Variants in PRKAR1B observed in about 807,000 individuals in gnomAD.
PRKAR1B encodes the protein cAMP-dependent protein kinase type I-beta regulatory subunit.
PRKAR1B carries 22 observed loss-of-function variants against 46.5 expected under a neutral mutation model. That is an observed-to-expected ratio of 0.47 (90% CI 0.34 to 0.68). The LOEUF is 0.68. Ranked by LOEUF, PRKAR1B falls within the 30% of genes least tolerant of loss-of-function variation. The pLI is 0.01. For synonymous variants in PRKAR1B, 259 were observed against 217.7 expected, an observed-to-expected ratio of 1.19 and a Z score of -1.67; for missense variants, 445 against 535.6, an observed-to-expected ratio of 0.83 and a Z score of 1.67.
chr7:716,015 T>A (rs71518343), intron 1 of PRKAR1B, among the ~76,000 whole-genome samples: 126,770 of 151,338 alleles, frequency 0.84, 53,195 homozygotes, highest in South Asian at 0.9. Flanking sequence ...GCACCCGGCC[T>A]AGCCACATTC....
chr7:699,943 C>G (rs1779973713), intron 2 of PRKAR1B, among the ~76,000 whole-genome samples: 1 of 152,158 alleles, frequency 6.6e-6, no homozygotes, highest in Admixed American at 6.5e-5. Context: ...AGCAGAGAGG[C>G]TGCTGCAGTC....
intron 4 of PRKAR1B, among the ~76,000 whole-genome samples, chr7:619,552 G>A (rs1045664903): frequency 1.3e-5 from 2 of 152,158 alleles, no homozygotes; most frequent in Admixed American, 6.5e-5. Flanking sequence ...ATTCAAAACC[G>A]GGTGATCTGG....
rs754537286 is a variant in PRKAR1B at position 680,783 on chromosome 7, C to A, written c.178-57G>T. The A allele has an allele frequency of 2.5e-6, 4 of 1,594,110 alleles. No individual in the cohort carries two copies. In the Admixed American group the frequency reaches 6.7e-5, roughly 27 times the overall value. Reference sequence around the variant, plus strand: ...TAAGAACCTGGCTGTCCCGGCCAGGCACAGGGCCCATGCCTGTGATCCCAG... The same window carrying A: ...TAAGAACCTGGCTGTCCCGGCCAGGAACAGGGCCCATGCCTGTGATCCCAG... On this transcript the variant is annotated intron_variant, in intron 2 of 10. Coordinates refer to ENST00000537384, the MANE Select transcript of PRKAR1B (RefSeq NM_001164760.2).
chr7:619,181 C>T (rs78126106), intron 4 of PRKAR1B, among the ~76,000 whole-genome samples: 2,507 of 152,198 alleles, frequency 0.016, 86 homozygotes, highest in East Asian at 0.15. Flanking sequence ...AAGAGTCGGA[C>T]GAAAGCACAG....
At chr7:559,589 C>T (rs1006910883) in intron 9 of PRKAR1B, among the ~76,000 whole-genome samples, 1 of 152,156 alleles carries the variant, frequency 6.6e-6, no homozygotes, top group Non-Finnish European at 1.5e-5. Flanking sequence ...GACCAGAGAC[C>T]GTCTGGACAC....
chr7:570,362 C>A (rs554412165), intron 9 of PRKAR1B, among the ~76,000 whole-genome samples: 84 of 152,316 alleles, frequency 5.5e-4, no homozygotes, highest in Middle Eastern at 6.8e-3. Context: ...TCATACCCCC[C>A]GTCAAGGAGC....
chr7:621,997 C>A (rs971331492), intron 4 of PRKAR1B, among the ~76,000 whole-genome samples: 1 of 152,230 alleles, frequency 6.6e-6, no homozygotes, highest in Non-Finnish European at 1.5e-5. Context: ...GCAAATGGAG[C>A]GGCCCATGCC....
chr7:556,488 G>A (rs1384249640), intron 9 of PRKAR1B, among the ~76,000 whole-genome samples: 12 of 152,332 alleles, frequency 7.9e-5, no homozygotes, highest in Admixed American at 3.3e-4. Context: ...GTAAAACACC[G>A]TCAATAACGC....
rs750920152 is a variant in PRKAR1B at position 587,985 on chromosome 7, G to GT, written c.709-3418dup. Among the ~76,000 whole-genome samples the GT allele has an allele frequency of 6.9e-4, 105 of 152,332 alleles. 1 individual carries two copies. Among genetic ancestry groups the GT allele is most frequent in the Non-Finnish European group, 1.3e-3 (91 of 68,030 alleles). ...GTGACTTGTGTGGGGCTCAGGCCGG[G>GT]TTGTTTCCACAGTTGCTTATTCTGG... On this transcript the variant is annotated intron_variant, in intron 7 of 10. Transcript: ENST00000537384.
chr7:660,336 A>C (rs2128494307), intron 4 of PRKAR1B, among the ~76,000 whole-genome samples: 1 of 152,044 alleles, frequency 6.6e-6, no homozygotes, highest in African/African-American at 2.4e-5. Context: ...CGGGTGCCAC[A>C]GGCCCCGCTC....
chr7:571,332 AG>A (rs1779499431), intron 9 of PRKAR1B, among the ~76,000 whole-genome samples: 1 of 152,052 alleles, frequency 6.6e-6, no homozygotes. Context: ...GGGGTCCTCC[AG>A]GGGTGCTGTT....
intron 8 of PRKAR1B, among the ~76,000 whole-genome samples, chr7:583,196 A>G (rs1583244270): frequency 6.6e-6 from 1 of 152,160 alleles, no homozygotes; most frequent in Middle Eastern, 3.4e-3. Flanking sequence ...AAAGGTCAAA[A>G]CGGTCGGCGT....
intron 4 of PRKAR1B, among the ~76,000 whole-genome samples, chr7:647,936 A>G (rs1784710214): frequency 1.3e-5 from 2 of 151,612 alleles, no homozygotes; most frequent in East Asian, 3.9e-4. Flanking sequence ...GCTTGAGGCC[A>G]GAAGTTTGCG....
At chr7:626,900 TG>T (rs1783433106) in intron 4 of PRKAR1B, among the ~76,000 whole-genome samples, 1 of 151,876 alleles carries the variant, frequency 6.6e-6, no homozygotes, top group South Asian at 2.1e-4. Flanking sequence ...TTTATTAAGA[TG>T]GAGTCTCACT....
chr7:717,322 A>C (rs1440308068), intron 1 of PRKAR1B, among the ~76,000 whole-genome samples: 1 of 151,792 alleles, frequency 6.6e-6, no homozygotes, highest in Non-Finnish European at 1.5e-5. Flanking sequence ...AGAGAGACAG[A>C]AGGAAAGAAA....
chr7:555,774 A>G (rs2128421340), intron 9 of PRKAR1B, among the ~76,000 whole-genome samples: 1 of 152,318 alleles, frequency 6.6e-6, no homozygotes, highest in South Asian at 2.1e-4. Flanking sequence ...CCACAAGCAG[A>G]TGACATCCAG....
chr7:553,863 G>A (rs368106651), intron 9 of PRKAR1B, among the ~76,000 whole-genome samples: 3 of 152,362 alleles, frequency 2.0e-5, no homozygotes, highest in African/African-American at 7.2e-5. Context: ...GGGGCCACTC[G>A]GCTCCCAGGC....
At chr7:685,278 ACG>A (rs1272205702) in intron 2 of PRKAR1B, among the ~76,000 whole-genome samples, 110 of 26,364 alleles carry the variant, frequency 4.2e-3, no homozygotes, top group African/African-American at 0.01. Context: ...ACGTATATAT[ACG>A]TATATATATG....
chr7:704,594 G>A (rs763557150), intron 2 of PRKAR1B, among the ~76,000 whole-genome samples: 1 of 152,010 alleles, frequency 6.6e-6, no homozygotes, highest in Non-Finnish European at 1.5e-5. Flanking sequence ...TGTCCAACAT[G>A]GTGAAATCCC....
Sources: allele counts gnomAD v4.1 joint callset (sites outside exome capture counted in the v4.1 genomes callset), GRCh38; gene constraint gnomAD v4.1.1; transcripts MANE v1.5; gene names NCBI Gene and HGNC (gene_info 2026-07-23, HGNC 2026-07-21).